The following TMEFF1 variants were observed in gnomAD, a reference collection of about 807,000 sequenced individuals.
TMEFF1 encodes tomoregulin-1.
In TMEFF1, 20 loss-of-function variants were observed where a neutral mutation model predicts 47.5. The ratio of observed to expected loss-of-function variants is 0.42; its 90% CI spans 0.30 to 0.61. The LOEUF is 0.61. Among genes scored for constraint, TMEFF1 ranks in the 20% least tolerant of loss-of-function variants. The pLI is 0.19. For missense variants in TMEFF1, 411 were observed against 471.1 expected, an observed-to-expected ratio of 0.87 and a Z score of 1.18; for synonymous variants, 162 against 166.3, an observed-to-expected ratio of 0.97 and a Z score of 0.20.
intron 9 of TMEFF1, 151 bp downstream of exon 9, chr9:100,572,827 A>G: frequency 9.9e-7 from 1 of 1,006,034 alleles, no homozygotes; most frequent in East Asian, 2.8e-5. Flanking sequence ...CTTCTTTAGG[A>G]TACGGGCAGG....
At chr9:100,572,312 A>G (rs376594330) in intron 8 of TMEFF1, among the ~76,000 whole-genome samples, 39 of 152,264 alleles carry the variant, frequency 2.6e-4, no homozygotes, top group South Asian at 1.7e-3. Context: ...AATGTGATAT[A>G]ACTTAGGTGA....
chr9:100,516,075 T>C (rs910680529), intron 4 of TMEFF1, among the ~76,000 whole-genome samples: 2 of 152,172 alleles, frequency 1.3e-5, no homozygotes, highest in African/African-American at 4.8e-5. Flanking sequence ...TGCATACTTT[T>C]GTATCTGCAT....
chr9:100,575,371 C>A (rs1325230592), intron 9 of TMEFF1, among the ~76,000 whole-genome samples: 1 of 152,024 alleles, frequency 6.6e-6, no homozygotes, highest in South Asian at 2.1e-4. Flanking sequence ...TAACTAAACG[C>A]CCTGATTTTA....
intron 5 of TMEFF1, among the ~76,000 whole-genome samples, chr9:100,519,517 G>C (rs573785286): frequency 1.4e-3 from 207 of 151,978 alleles, no homozygotes; most frequent in Non-Finnish European, 2.5e-3. Flanking sequence ...TTTGATGTGG[G>C]TATATTCTTC....
At chr9:100,529,903 G>T (rs574094245) in intron 5 of TMEFF1, among the ~76,000 whole-genome samples, 1 of 152,024 alleles carries the variant, frequency 6.6e-6, no homozygotes, top group Admixed American at 6.6e-5. Context: ...CTCTCAGACC[G>T]CAGTGCAATC....
intron 1 of TMEFF1, among the ~76,000 whole-genome samples, chr9:100,485,884 T>C (rs1837437671): frequency 6.6e-6 from 1 of 152,214 alleles, no homozygotes; most frequent in Admixed American, 6.5e-5. Flanking sequence ...CAAATTCATC[T>C]ATTTTTTAAA....
At chr9:100,505,104 AATGTTT>A (rs1018871033) in intron 2 of TMEFF1, among the ~76,000 whole-genome samples, 20 of 152,112 alleles carry the variant, frequency 1.3e-4, no homozygotes, top group Non-Finnish European at 1.5e-5. Flanking sequence ...GCTTATGATA[AATGTTT>A]GGATTAAAAA....
At chr9:100,516,805 T>A in intron 5 of TMEFF1, 34 bp downstream of exon 5, 1 of 1,604,334 alleles carries the variant, frequency 6.2e-7, no homozygotes, top group Non-Finnish European at 8.5e-7. Flanking sequence ...CAAAGTTATT[T>A]AGAGATTAAT....
At chr9:100,563,006 T>C (rs370902586) in intron 8 of TMEFF1, among the ~76,000 whole-genome samples, 4 of 152,002 alleles carry the variant, frequency 2.6e-5, no homozygotes, top group East Asian at 1.9e-4. Context: ...TTAGTAGAGA[T>C]GGGGTTTCAC....
chr9:100,494,442 A>G (rs1370009362), intron 1 of TMEFF1, among the ~76,000 whole-genome samples: 1 of 152,124 alleles, frequency 6.6e-6, no homozygotes, highest in Non-Finnish European at 1.5e-5. Context: ...AAATGTATTC[A>G]TTTATATACA....
chr9:100,529,557 A>G (rs537588804), intron 5 of TMEFF1, among the ~76,000 whole-genome samples: 5 of 151,738 alleles, frequency 3.3e-5, no homozygotes, highest in Admixed American at 2.6e-4. Context: ...CTAAATATAT[A>G]TGCACCCAAT....
intron 4 of TMEFF1, among the ~76,000 whole-genome samples, chr9:100,516,175 A>AT (rs903799073): frequency 1.3e-5 from 2 of 151,580 alleles, no homozygotes; most frequent in African/African-American, 2.4e-5. Flanking sequence ...GGAGATAAGT[A>AT]TTTTTTTTTA....
chr9:100,539,822 G>A (rs932120819), intron 5 of TMEFF1, among the ~76,000 whole-genome samples: 1 of 152,060 alleles, frequency 6.6e-6, no homozygotes, highest in Non-Finnish European at 1.5e-5. Context: ...TTTACAGAGA[G>A]CTGATTGGTC....
intron 5 of TMEFF1, among the ~76,000 whole-genome samples, chr9:100,526,218 T>G (rs1336408214): frequency 6.6e-6 from 1 of 152,170 alleles, no homozygotes; most frequent in African/African-American, 2.4e-5. Context: ...CTTGATCTTT[T>G]GTATATGATT....
Position 100,509,225 on chromosome 9 carries a change from C to T in TMEFF1, c.436+91C>T, listed in dbSNP as rs939753202. 3 of 1,369,442 alleles carry T rather than the reference C, an allele frequency of 2.2e-6. No homozygotes were observed. The Admixed American group carries it at 1.0e-4, about 46-fold the overall frequency. The allele number at this position is 1,369,442 out of a possible 1,614,324, so 84.8% of individuals were successfully genotyped here. A position where few individuals can be genotyped will look rare whatever the true frequency, so the allele number is the denominator to read the frequency against. On this transcript the variant is annotated intron_variant, in intron 3 of 9. Transcript: ENST00000374879. ...TTGAGTCAGAGGTATATTTCCACAA[C>T]TGCTGTGTGGATTGGTGGTGGTTGT...
At chr9:100,474,708 C>CTG (rs1429285830) in intron 1 of TMEFF1, among the ~76,000 whole-genome samples, 2 of 151,696 alleles carry the variant, frequency 1.3e-5, no homozygotes, top group South Asian at 2.1e-4. Flanking sequence ...GATGTCGTGC[C>CTG]TGTGTGTGTG....
rs201798348 is a variant in TMEFF1, at chr9:100,547,860, A to C, written c.677A>C (p.Gln226Pro). 2.2e-5 allele frequency: 36 copies of C among 1,606,552 alleles called. No homozygotes were observed. The highest frequency in any genetic ancestry group is 5.2e-5 in the Admixed American group (3 of 58,220). ...GAAGCATCTTGTATAAAGCAAGAAC[A>C]AATTGATATAAGGCATCTTGGTCAT... ...VREASCIKQE[Q>P]IDIRHLGHCT... is the part of the protein sequence containing the mutation. The change falls in exon 6 of 10, where the codon CAA (glutamine) becomes CCA (proline). Residue 226 changes from glutamine to proline, a missense_variant. Physicochemically the swap from Gln to Pro is moderately conservative, Grantham distance 76. Transcript: ENST00000374879.
chr9:100,504,282 G>A (rs968510802), intron 2 of TMEFF1, among the ~76,000 whole-genome samples: 1 of 152,140 alleles, frequency 6.6e-6, no homozygotes, highest in Non-Finnish European at 1.5e-5. Flanking sequence ...GAGGCTTCCA[G>A]GAGAGACCCA....
At chr9:100,536,645 T>C (rs529799574) in intron 5 of TMEFF1, among the ~76,000 whole-genome samples, 3 of 152,350 alleles carry the variant, frequency 2.0e-5, no homozygotes, top group South Asian at 2.1e-4. Context: ...TCTGAGCACA[T>C]GCTGAGATTG....
Sources: allele counts gnomAD v4.1 joint callset (sites outside exome capture counted in the v4.1 genomes callset), GRCh38; gene constraint gnomAD v4.1.1; transcripts MANE v1.5; gene names NCBI Gene and HGNC (gene_info 2026-07-23, HGNC 2026-07-21).